HS3ST5: variants seen among roughly 807,000 people sequenced by gnomAD.
The protein encoded by HS3ST5 is heparan sulfate glucosamine 3-O-sulfotransferase 5.
HS3ST5 carries 10 observed loss-of-function variants against 25.4 expected under a neutral mutation model. That is an observed-to-expected ratio of 0.39 (90% CI 0.24 to 0.67). The LOEUF (loss-of-function observed/expected upper bound fraction) is 0.67. Among genes scored for constraint, HS3ST5 ranks in the 30% least tolerant of loss-of-function variants. The pLI is 0.44. For synonymous variants in HS3ST5, 170 were observed against 162.4 expected, an observed-to-expected ratio of 1.05 and a Z score of -0.36; for missense variants, 324 against 420.7, an observed-to-expected ratio of 0.77 and a Z score of 2.01.
intron 1 of HS3ST5, among the ~76,000 whole-genome samples, chr6:114,319,877 T>C (rs573813731): frequency 2.0e-5 from 3 of 152,268 alleles, no homozygotes; most frequent in South Asian, 4.1e-4. Flanking sequence ...TTGTTGTTAG[T>C]GGCTCTACTA....
intron 1 of HS3ST5, among the ~76,000 whole-genome samples, chr6:114,276,523 G>A (rs575324883): frequency 1.3e-5 from 2 of 150,936 alleles, no homozygotes; most frequent in South Asian, 4.2e-4. Flanking sequence ...AAAGCAAAAA[G>A]CATTTTTTTG....
chr6:114,285,200 G>A (rs1025869836), intron 1 of HS3ST5, among the ~76,000 whole-genome samples: 1 of 151,902 alleles, frequency 6.6e-6, no homozygotes, highest in African/African-American at 2.4e-5. Flanking sequence ...TTAAAAATGT[G>A]GTATATGCAT....
At chr6:114,332,003 A>G (rs1776417405) in intron 1 of HS3ST5, among the ~76,000 whole-genome samples, 1 of 152,022 alleles carries the variant, frequency 6.6e-6, no homozygotes, top group Non-Finnish European at 1.5e-5. Context: ...TAATTTAAAA[A>G]ATTTAAATAA....
At chr6:114,163,279 G>C (rs1169204729) in intron 3 of HS3ST5, among the ~76,000 whole-genome samples, 6 of 152,058 alleles carry the variant, frequency 3.9e-5, no homozygotes, top group African/African-American at 1.4e-4. Context: ...GAAATCATGG[G>C]CAGCATTAGA....
At chr6:114,128,169 T>C (rs1777143980) in intron 3 of HS3ST5, among the ~76,000 whole-genome samples, 1 of 152,154 alleles carries the variant, frequency 6.6e-6, no homozygotes, top group Admixed American at 6.5e-5. Context: ...TATACACCTC[T>C]GGTTAACCAC....
intron 1 of HS3ST5, among the ~76,000 whole-genome samples, chr6:114,241,132 G>GTTTTTTTTTT (rs34220294): frequency 8.5e-6 from 1 of 117,814 alleles, no homozygotes; most frequent in Non-Finnish European, 1.7e-5. Context: ...AGAAAAATCA[G>GTTTTTTTTTT]TTTTTTTTTT....
intron 1 of HS3ST5, among the ~76,000 whole-genome samples, chr6:114,335,045 C>T (rs75113274): frequency 6.6e-6 from 1 of 152,202 alleles, no homozygotes; most frequent in African/African-American, 2.4e-5. Flanking sequence ...CAGAAATCCA[C>T]AGAAAATACT....
rs535518094 is a variant in HS3ST5, at chr6:114,306,331, A to T, written c.-339+35864T>A. The stretch of plus-strand genomic sequence containing the variant: ...TTCATTCCTACAGCATCCTTAGGGG[A>T]CATCTTTGGTCTTCTCATCCTTTAT... On this transcript the variant is annotated intron_variant, in intron 1 of 4. Coordinates refer to ENST00000312719, the MANE Select transcript of HS3ST5 (RefSeq NM_153612.4). Among the ~76,000 whole-genome samples, 15 of 148,736 alleles carry T rather than the reference A, an allele frequency of 1.0e-4. No individual in the cohort carries two copies. The South Asian group carries it at 3.2e-3, about 31-fold the overall frequency.
intron 1 of HS3ST5, among the ~76,000 whole-genome samples, chr6:114,322,284 TGAA>T (rs1470742002): frequency 6.6e-5 from 10 of 152,288 alleles, no homozygotes; most frequent in Admixed American, 5.2e-4. Flanking sequence ...ACTCTCAAAA[TGAA>T]TAAGTCTGTG....
At chr6:114,179,195 A>T (rs905762994) in intron 2 of HS3ST5, 2 of 152,198 alleles carry the variant, frequency 1.3e-5, no homozygotes, top group Admixed American at 6.5e-5. Context: ...TGTTTTGCTC[A>T]CTGCTGTATC....
intron 1 of HS3ST5, among the ~76,000 whole-genome samples, chr6:114,253,984 G>C (rs1224096628): frequency 6.6e-6 from 1 of 152,066 alleles, no homozygotes; most frequent in Non-Finnish European, 1.5e-5. Flanking sequence ...AGAATGTGGA[G>C]GTGTGAGAAA....
intron 2 of HS3ST5, among the ~76,000 whole-genome samples, chr6:114,202,852 T>A (rs1582710688): frequency 6.6e-6 from 1 of 152,264 alleles, no homozygotes; most frequent in African/African-American, 2.4e-5. Flanking sequence ...TTTGATTAAC[T>A]CTCCTCAAAT....
At chr6:114,208,538 T>C (rs75667846) in intron 2 of HS3ST5, among the ~76,000 whole-genome samples, 2,650 of 152,242 alleles carry the variant, frequency 0.017, 42 homozygotes, top group African/African-American at 0.042. Context: ...CAAAGAATCA[T>C]ATTGCTTATG....
intron 3 of HS3ST5, among the ~76,000 whole-genome samples, chr6:114,133,895 G>A (rs1171645829): frequency 6.6e-6 from 1 of 151,990 alleles, no homozygotes; most frequent in Non-Finnish European, 1.5e-5. Context: ...ATGCCTGGAA[G>A]GACAGAGAGA....
intron 1 of HS3ST5, among the ~76,000 whole-genome samples, chr6:114,253,750 T>C (rs1772772775): frequency 6.6e-6 from 1 of 152,228 alleles, no homozygotes; most frequent in African/African-American, 2.4e-5. Context: ...GGCTTCTGTA[T>C]ATTGAATGCA....
At chr6:114,135,333 CAG>C (rs1192095741) in intron 3 of HS3ST5, among the ~76,000 whole-genome samples, 1 of 152,120 alleles carries the variant, frequency 6.6e-6, no homozygotes, top group Admixed American at 6.6e-5. Flanking sequence ...GGTGAGAAAA[CAG>C]GGTTTTCTGG....
At chr6:114,325,989 T>C (rs1037641229) in intron 1 of HS3ST5, among the ~76,000 whole-genome samples, 13 of 152,228 alleles carry the variant, frequency 8.5e-5, no homozygotes, top group Admixed American at 7.9e-4. Flanking sequence ...TACATTCTTG[T>C]TGATGAGAGG....
At chr6:114,224,922 T>C (rs1380335032) in intron 2 of HS3ST5, among the ~76,000 whole-genome samples, 1 of 151,722 alleles carries the variant, frequency 6.6e-6, no homozygotes, top group East Asian at 1.9e-4. Flanking sequence ...GGATAGATAA[T>C]AGTTGCTTCA....
intron 3 of HS3ST5, among the ~76,000 whole-genome samples, chr6:114,155,339 A>G (rs1195652765): frequency 2.0e-5 from 3 of 152,242 alleles, no homozygotes; most frequent in African/African-American, 7.2e-5. Context: ...AAAAGAATAG[A>G]GAGTAAAGTG....
Sources: gnomAD v4.1 joint callset for allele counts (sites outside exome capture counted in the v4.1 genomes callset) on GRCh38, gnomAD v4.1.1 for gene constraint, MANE v1.5 for transcripts, NCBI Gene and HGNC (gene_info 2026-07-23, HGNC 2026-07-21) for gene names.